GMDS: variants seen among roughly 807,000 people sequenced by gnomAD.
GMDS encodes the protein GDP-mannose 4,6 dehydratase.
Under a neutral mutation model 49.9 loss-of-function variants are expected in GMDS, and 20 were observed. The ratio of observed to expected loss-of-function variants is 0.40; its 90% CI spans 0.28 to 0.58. The LOEUF is 0.58. GMDS is among the 20% of genes least tolerant of loss of function. The pLI, the probability that GMDS is intolerant of heterozygous loss-of-function variation, is 0.42. For synonymous variants in GMDS, 177 were observed against 178.6 expected, an observed-to-expected ratio of 0.99 and a Z score of 0.07; for missense variants, 362 against 481.4, an observed-to-expected ratio of 0.75 and a Z score of 2.32.
In GMDS at chr6:2,168,174, C is replaced by A. The variant is rs190827973; in HGVS notation, c.103-43443G>T. Among the ~76,000 whole-genome samples the A allele has an allele frequency of 1.7e-3, 264 of 152,312 alleles. 1 individual carries two copies. Among genetic ancestry groups the A allele is most frequent in the Non-Finnish European group, 2.8e-3 (191 of 68,034 alleles). On this transcript the variant is annotated intron_variant, in intron 1 of 10. Transcript: ENST00000380815. ...TCTACATTTGCCTGCTCTTTCCCTT[C>A]CTTCCTCAGAAGGAAAGATGTGTTA... is the stretch of plus-strand genomic sequence containing the variant.
At chr6:1,866,748 T>C (rs1758459809) in intron 7 of GMDS, among the ~76,000 whole-genome samples, 1 of 152,216 alleles carries the variant, frequency 6.6e-6, no homozygotes, top group African/African-American at 2.4e-5. Context: ...GCAGAAAGCC[T>C]GCTAGGTGAG....
chr6:2,133,442 AC>A (rs1775845148), intron 1 of GMDS, among the ~76,000 whole-genome samples: 1 of 152,232 alleles, frequency 6.6e-6, no homozygotes, highest in Non-Finnish European at 1.5e-5. Flanking sequence ...ACAGTCTGCT[AC>A]TGAAATACTG....
At chr6:2,023,327 A>C (rs958983095) in intron 4 of GMDS, among the ~76,000 whole-genome samples, 1 of 152,354 alleles carries the variant, frequency 6.6e-6, no homozygotes, top group Admixed American at 6.5e-5. Context: ...CATAAGCTAC[A>C]AAAGGACAGG....
chr6:1,726,622 A>C (rs1581513448), intron 8 of GMDS, 110 bp from the exon 9 acceptor site: 1 of 754,678 alleles, frequency 1.3e-6, no homozygotes, highest in African/African-American at 1.7e-5. Flanking sequence ...GCTTAAGCTC[A>C]TTAACCACAG....
chr6:1,673,225 CTG>C (rs2113285174), intron 9 of GMDS, among the ~76,000 whole-genome samples: 1 of 152,304 alleles, frequency 6.6e-6, no homozygotes, highest in South Asian at 2.1e-4. Flanking sequence ...CTGCACAACA[CTG>C]TGGCTGCTTG....
rs1210801655 is a variant in GMDS, at chr6:2,169,034, CAGAG to C, written c.103-44307_103-44304del. Among the ~76,000 whole-genome samples the C allele has an allele frequency of 7.2e-5, 11 of 152,254 alleles. No homozygotes were observed. In the East Asian group the frequency reaches 2.1e-3, roughly 29 times the overall value. ...ACACTTGAATAAAGATACTAGGATT[CAGAG>C]AGAATTTGTAGACTTTATTTTAGAC... On this transcript the variant is annotated intron_variant, in intron 1 of 10. Transcript: ENST00000380815.
At chr6:1,626,672 C>G (rs55702212) in intron 9 of GMDS, among the ~76,000 whole-genome samples, 12,820 of 152,212 alleles carry the variant, frequency 0.084, 672 homozygotes, top group South Asian at 0.18. Context: ...AATCAACCAG[C>G]ACGACATAGG....
chr6:1,935,511 T>A (rs890924881), intron 6 of GMDS, among the ~76,000 whole-genome samples: 6 of 152,174 alleles, frequency 3.9e-5, no homozygotes, highest in Non-Finnish European at 7.3e-5. Context: ...AAGTTAAGAT[T>A]TCTTAGTTCT....
At chr6:1,663,021 G>A (rs1764129107) in intron 9 of GMDS, among the ~76,000 whole-genome samples, 1 of 152,120 alleles carries the variant, frequency 6.6e-6, no homozygotes, top group African/African-American at 2.4e-5. Flanking sequence ...GATATCGTAA[G>A]GGGTTTGACC....
chr6:1,921,955 T>A (rs1456483456), intron 7 of GMDS, among the ~76,000 whole-genome samples: 3 of 152,168 alleles, frequency 2.0e-5, no homozygotes, highest in Admixed American at 6.5e-5. Context: ...AAAAAATCGA[T>A]GAGTATTACA....
intron 9 of GMDS, among the ~76,000 whole-genome samples, chr6:1,650,896 C>T (rs1763633094): frequency 6.6e-6 from 1 of 152,172 alleles, no homozygotes; most frequent in African/African-American, 2.4e-5. Flanking sequence ...CTATTCTCAT[C>T]CTCTGACTCT....
intron 4 of GMDS, among the ~76,000 whole-genome samples, chr6:2,005,189 A>G (rs993911571): frequency 1.3e-5 from 2 of 152,088 alleles, no homozygotes; most frequent in African/African-American, 4.8e-5. Context: ...TTGTGTCTGG[A>G]ATAGCTCAAG....
At chr6:2,092,875 A>T (rs1332499763) in intron 4 of GMDS, among the ~76,000 whole-genome samples, 2 of 152,240 alleles carry the variant, frequency 1.3e-5, no homozygotes, top group Non-Finnish European at 2.9e-5. Flanking sequence ...ATTGAATAGC[A>T]ATATAAATGA....
intron 1 of GMDS, among the ~76,000 whole-genome samples, chr6:2,159,983 A>T (rs1223917584): frequency 6.6e-6 from 1 of 152,214 alleles, no homozygotes; most frequent in Non-Finnish European, 1.5e-5. Context: ...ATTATATAGC[A>T]CCATGCACAG....
At chr6:2,092,762 C>A (rs1773392089) in intron 4 of GMDS, among the ~76,000 whole-genome samples, 1 of 152,118 alleles carries the variant, frequency 6.6e-6, no homozygotes, top group African/African-American at 2.4e-5. Flanking sequence ...ACTAGAAAGA[C>A]TCAGAATCCA....
At chr6:1,659,835 T>A (rs1764009873) in intron 9 of GMDS, among the ~76,000 whole-genome samples, 1 of 151,838 alleles carries the variant, frequency 6.6e-6, no homozygotes, top group Admixed American at 6.6e-5. Flanking sequence ...AGTAAAAAGA[T>A]GATCATAATT....
chr6:1,678,578 T>C (rs1764693789), intron 9 of GMDS, among the ~76,000 whole-genome samples: 1 of 152,260 alleles, frequency 6.6e-6, no homozygotes, highest in Non-Finnish European at 1.5e-5. Flanking sequence ...AATGGACTTT[T>C]ATTTTTTTTT....
At chr6:1,829,705 G>C (rs922134805) in intron 7 of GMDS, among the ~76,000 whole-genome samples, 4 of 152,236 alleles carry the variant, frequency 2.6e-5, no homozygotes, top group Admixed American at 6.5e-5. Flanking sequence ...CTCCCAAAAT[G>C]CAGGGATTAC....
intron 7 of GMDS, among the ~76,000 whole-genome samples, chr6:1,830,522 T>C (rs777657400): frequency 6.6e-6 from 1 of 152,184 alleles, no homozygotes; most frequent in Non-Finnish European, 1.5e-5. Context: ...GGGTTCAATG[T>C]ATGTTAAGAA....
Sources: gnomAD v4.1 joint callset for allele counts (sites outside exome capture counted in the v4.1 genomes callset) on GRCh38, gnomAD v4.1.1 for gene constraint, MANE v1.5 for transcripts, NCBI Gene and HGNC (gene_info 2026-07-23, HGNC 2026-07-21) for gene names.